The following FOXO1 variants were observed in gnomAD, a reference collection of about 807,000 sequenced individuals.
FOXO1 encodes forkhead box protein O1.
A neutral mutation model predicts 44.1 loss-of-function variants in FOXO1; 6 were observed. The ratio of observed to expected loss-of-function variants is 0.14; its 90% CI spans 0.07 to 0.27. The LOEUF (loss-of-function observed/expected upper bound fraction) is 0.27. Ranked by LOEUF, FOXO1 falls within the 10% of genes least tolerant of loss-of-function variation. The pLI is 1.00. For synonymous variants in FOXO1, 380 were observed against 362.7 expected, an observed-to-expected ratio of 1.05 and a Z score of -0.54; for missense variants, 737 against 888.8, an observed-to-expected ratio of 0.83 and a Z score of 2.17.
chr13:40,621,148 T>A (rs1876600486), intron 1 of FOXO1: 1 of 459,982 alleles, frequency 2.2e-6, no homozygotes, highest in Admixed American at 2.8e-5. Flanking sequence ...CACCCAGCGC[T>A]AGAGCATAAC....
intron 1 of FOXO1, among the ~76,000 whole-genome samples, chr13:40,585,903 T>C (rs1353165384): frequency 6.6e-6 from 1 of 152,222 alleles, no homozygotes; most frequent in Non-Finnish European, 1.5e-5. Flanking sequence ...AGTTCCATGT[T>C]TGAGACCAAT....
In FOXO1 at chr13:40,662,162, C is replaced by G. The variant is rs988613086; in HGVS notation, c.630+3421G>C. ...CTCCAGCCTGGGCAACAGAGTGAGA[C>G]TCTGACTCAAAAAAAAAAAAAAAAA... On this transcript the variant is annotated intron_variant, in intron 1 of 2. Transcript: ENST00000379561. Among the ~76,000 whole-genome samples the G allele has an allele frequency of 4.8e-5, 5 of 103,574 alleles. No individual in the cohort carries two copies. The Admixed American group carries it at 6.6e-4, about 14-fold the overall frequency. The allele number at this position is 103,574 out of a possible 152,430, so 67.9% of individuals were successfully genotyped here.
chr13:40,582,062 A>G (rs1874975968), intron 1 of FOXO1, among the ~76,000 whole-genome samples: 1 of 152,200 alleles, frequency 6.6e-6, no homozygotes, highest in Admixed American at 6.5e-5. Context: ...GCCTTTCTTC[A>G]TGTATGAAAT....
At chr13:40,561,943 C>CAAAAAAAAAAAAAA (rs60373589) in intron 1 of FOXO1, among the ~76,000 whole-genome samples, 1 of 67,552 alleles carries the variant, frequency 1.5e-5, no homozygotes, top group African/African-American at 5.2e-5. Context: ...ACTCTGTCGC[C>CAAAAAAAAAAAAAA]AAAAAAAAAA....
At chr13:40,640,261 T>C (rs563717134) in intron 1 of FOXO1, among the ~76,000 whole-genome samples, 2 of 152,346 alleles carry the variant, frequency 1.3e-5, no homozygotes, top group South Asian at 4.1e-4. Flanking sequence ...GTCACTGTGA[T>C]TTCTTTTAAA....
At chr13:40,619,488 T>C in intron 1 of FOXO1, 2 of 1,307,736 alleles carry the variant, frequency 1.5e-6, no homozygotes, top group Non-Finnish European at 2.2e-6. Flanking sequence ...GTGGAGAGTT[T>C]CGGTTTAGTT....
intron 1 of FOXO1, among the ~76,000 whole-genome samples, chr13:40,632,906 C>A (rs1593408198): frequency 2.4e-5 from 3 of 127,016 alleles, no homozygotes; most frequent in Admixed American, 8.4e-5. Flanking sequence ...AGTGAAACTC[C>A]ATCTCAAAAA....
chr13:40,576,028 T>C (rs927287569), intron 1 of FOXO1, among the ~76,000 whole-genome samples: 2 of 152,194 alleles, frequency 1.3e-5, no homozygotes, highest in African/African-American at 4.8e-5. Context: ...TGCTCTTGGA[T>C]AAATGGCTTG....
chr13:40,600,473 A>G (rs1211874888), intron 1 of FOXO1, among the ~76,000 whole-genome samples: 4 of 152,094 alleles, frequency 2.6e-5, no homozygotes, highest in African/African-American at 9.7e-5. Context: ...CAAAGACTGT[A>G]GCATTAGCAA....
At chr13:40,604,094 A>C (rs2137882765) in intron 1 of FOXO1, among the ~76,000 whole-genome samples, 1 of 152,304 alleles carries the variant, frequency 6.6e-6, no homozygotes, top group East Asian at 1.9e-4. Flanking sequence ...AATGGGGCAA[A>C]GACTGGGAAA....
At chr13:40,612,922 A>G (rs1213292590) in intron 1 of FOXO1, among the ~76,000 whole-genome samples, 2 of 152,168 alleles carry the variant, frequency 1.3e-5, no homozygotes, top group African/African-American at 4.8e-5. Context: ...ATAAAGGAGG[A>G]CTACTGTGTA....
intron 1 of FOXO1, among the ~76,000 whole-genome samples, chr13:40,644,695 T>C (rs2137926622): frequency 6.6e-6 from 1 of 152,312 alleles, no homozygotes; most frequent in South Asian, 2.1e-4. Context: ...ACATATAAAA[T>C]GTCTTTGGGA....
At chr13:40,613,788 A>G (rs1445050061) in intron 1 of FOXO1, among the ~76,000 whole-genome samples, 1 of 152,204 alleles carries the variant, frequency 6.6e-6, no homozygotes. Context: ...CAGCAGTTAC[A>G]CGGTCTCCCA....
At chr13:40,559,394 C>T in intron 2 of FOXO1, 115 bp downstream of exon 2, 1 of 920,514 alleles carries the variant, frequency 1.1e-6, no homozygotes, top group Non-Finnish European at 1.6e-6. Context: ...AAAGATCCCT[C>T]TCTGCAAGGG....
At chr13:40,574,059 T>C (rs1236023672) in intron 1 of FOXO1, among the ~76,000 whole-genome samples, 1 of 152,240 alleles carries the variant, frequency 6.6e-6, no homozygotes, top group African/African-American at 2.4e-5. Flanking sequence ...GAATATCAAC[T>C]ATTGTGGCTA....
chr13:40,590,455 C>T (rs1490625104), intron 1 of FOXO1, among the ~76,000 whole-genome samples: 1 of 152,202 alleles, frequency 6.6e-6, no homozygotes, highest in South Asian at 2.1e-4. Flanking sequence ...CCAAATGCCC[C>T]TCTTGCGGAG....
chr13:40,564,643 G>C (rs1466926048), intron 1 of FOXO1, among the ~76,000 whole-genome samples: 1 of 152,236 alleles, frequency 6.6e-6, no homozygotes, highest in African/African-American at 2.4e-5. Context: ...AGAGCCGCGT[G>C]AGACTGCTGG....
chr13:40,647,930 C>A (rs116879506), intron 1 of FOXO1, among the ~76,000 whole-genome samples: 1,846 of 152,296 alleles, frequency 0.012, 21 homozygotes, highest in Non-Finnish European at 0.02. Context: ...TCTATGCCTG[C>A]AGAGTCTGGT....
intron 1 of FOXO1, among the ~76,000 whole-genome samples, chr13:40,654,357 C>T (rs1450137879): frequency 8.4e-6 from 1 of 118,348 alleles, no homozygotes; most frequent in East Asian, 2.9e-4. Context: ...AAAAAATTAG[C>T]CAGGCGTGGT....
Sources: gnomAD v4.1 joint callset for allele counts (sites outside exome capture counted in the v4.1 genomes callset) on GRCh38, gnomAD v4.1.1 for gene constraint, MANE v1.5 for transcripts, NCBI Gene and HGNC (gene_info 2026-07-23, HGNC 2026-07-21) for gene names.